The following HEATR5A variants were observed in gnomAD, a reference collection of about 807,000 sequenced individuals.
HEATR5A encodes HEAT repeat containing 5A.
HEATR5A carries 178 observed loss-of-function variants against 218.8 expected under a neutral mutation model. That is an observed-to-expected ratio of 0.81 (90% CI 0.72 to 0.92). HEATR5A has a LOEUF of 0.92. Among genes scored for constraint, HEATR5A ranks in the 40% least tolerant of loss-of-function variants. HEATR5A has a pLI of 0.00. For missense variants in HEATR5A, 2,420 were observed against 2,418.9 expected, an observed-to-expected ratio of 1.00 and a Z score of -0.01; for synonymous variants, 864 against 871.6, an observed-to-expected ratio of 0.99 and a Z score of 0.15.
chr14:31,321,738 T>C, intron 24 of HEATR5A, 58 bp from the exon 25 acceptor site: 1 of 1,308,700 alleles, frequency 7.6e-7, no homozygotes, highest in Non-Finnish European at 1.0e-6. Context: ...CAAAAAAATG[T>C]GCTGGAACTA....
In HEATR5A at chr14:31,313,209, A is replaced by G. The variant is rs142272070; in HGVS notation, c.4219-19T>C. The G allele has an allele frequency of 1.2e-3, 1,803 of 1,559,072 alleles. No homozygotes were observed. The highest frequency in any genetic ancestry group is 1.2e-3 in the Non-Finnish European group (1,325 of 1,136,616). On this transcript the variant is annotated intron_variant, in intron 27 of 35. Coordinates refer to ENST00000543095, the MANE Select transcript of HEATR5A (RefSeq NM_015473.4). ...TGTAGACCTGTTAAAGGTTAATTTAAAAACAGGAAAATCTTTTATCTGCTG... is the reference window on the plus strand; with the variant it reads ...TGTAGACCTGTTAAAGGTTAATTTAGAAACAGGAAAATCTTTTATCTGCTG...
chr14:31,351,145 G>A (rs1901212908), intron 16 of HEATR5A, among the ~76,000 whole-genome samples: 2 of 152,152 alleles, frequency 1.3e-5, no homozygotes, highest in African/African-American at 4.8e-5. Context: ...GTAAGCATGA[G>A]AATGCACATT....
chr14:31,325,939 A>G, intron 23 of HEATR5A: 1 of 571,126 alleles, frequency 1.8e-6, no homozygotes, highest in Non-Finnish European at 3.1e-6. Context: ...CATCTAAGAC[A>G]GCCAAAGGGA....
chr14:31,369,350 T>C (rs891094425), intron 13 of HEATR5A, among the ~76,000 whole-genome samples: 1 of 150,662 alleles, frequency 6.6e-6, no homozygotes, highest in African/African-American at 2.4e-5. Flanking sequence ...TGATGGCTCA[T>C]GCTTGTAATC....
chr14:31,304,950 C>T lies in HEATR5A; in HGVS notation c.5194G>A (p.Ala1732Thr). 1.2e-6 allele frequency: 2 copies of T among 1,614,000 alleles called. No individual in the cohort carries two copies. The highest frequency in any genetic ancestry group is 1.7e-6 in the Non-Finnish European group (2 of 1,179,884). ...LEDGSRLVSA[A>T]LVILSELPAV... ...GGAAGTTCGGAAAGGATAACCAATGCAGCTGAAACCAATCTACTTCCATCT... is the reference window on the plus strand; with the variant it reads ...GGAAGTTCGGAAAGGATAACCAATGTAGCTGAAACCAATCTACTTCCATCT... Residue 1732 changes from alanine (A) to threonine (T), a missense_variant, in exon 32 of 36, where the codon GCA (alanine) becomes ACA (threonine). Transcript: ENST00000543095.
At chr14:31,326,943 C>T (rs1900288190) in intron 22 of HEATR5A, among the ~76,000 whole-genome samples, 1 of 151,798 alleles carries the variant, frequency 6.6e-6, no homozygotes, top group South Asian at 2.1e-4. Context: ...CTGAACCCAG[C>T]TCAATACTTA....
rs755730680 is a variant in HEATR5A, at chr14:31,387,216, G to C, written c.1093C>G (p.Leu365Val). The C allele has an allele frequency of 1.2e-6, 2 of 1,613,774 alleles. No individual in the cohort carries two copies. The highest frequency in any genetic ancestry group is 1.7e-6 in the Non-Finnish European group (2 of 1,179,870). ...VCCRRCVSFILRTTIGGLLGE... is the reference protein window; with the variant it reads ...VCCRRCVSFIVRTTIGGLLGE... Reference sequence around the variant, plus strand: ...AGAAGACCACCTATAGTAGTTCGAAGAATAAATGAAACACAACGGCGACAG... The same window carrying C: ...AGAAGACCACCTATAGTAGTTCGAACAATAAATGAAACACAACGGCGACAG... The change falls in exon 8 of 36, where the codon CTT (leucine) becomes GTT (valine). Residue 365 changes from leucine to valine, a missense_variant. Transcript: ENST00000543095.
intron 26 of HEATR5A, among the ~76,000 whole-genome samples, chr14:31,316,500 A>C (rs1049235742): frequency 6.6e-6 from 1 of 152,224 alleles, no homozygotes; most frequent in Non-Finnish European, 1.5e-5. Flanking sequence ...CAAGGAAATC[A>C]GTGCTAATGA....
chr14:31,382,784 A>G (rs2030048038), intron 10 of HEATR5A, among the ~76,000 whole-genome samples: 1 of 149,810 alleles, frequency 6.7e-6, no homozygotes, highest in Non-Finnish European at 1.5e-5. Context: ...ATTATCTAGT[A>G]TGTTTTAATT....
intron 22 of HEATR5A, among the ~76,000 whole-genome samples, chr14:31,330,702 AAT>A (rs1193143622): frequency 2.6e-5 from 4 of 151,484 alleles, no homozygotes; most frequent in Non-Finnish European, 5.9e-5. Context: ...GAGGCAGGAG[AAT>A]AGCATGAACC....
intron 23 of HEATR5A, among the ~76,000 whole-genome samples, chr14:31,324,654 T>C (rs751098690): frequency 6.7e-6 from 1 of 150,338 alleles, no homozygotes; most frequent in Non-Finnish European, 1.5e-5. Flanking sequence ...ACCAGGAAAA[T>C]GTAATCAGTC....
chr14:31,353,492 T>G (rs1901304589), intron 16 of HEATR5A, among the ~76,000 whole-genome samples: 1 of 152,150 alleles, frequency 6.6e-6, no homozygotes, highest in Admixed American at 6.6e-5. Flanking sequence ...TTCTAGCACT[T>G]TGGGCGGCAG....
At chr14:31,317,714 T>C (rs565721872) in intron 26 of HEATR5A, among the ~76,000 whole-genome samples, 14 of 152,328 alleles carry the variant, frequency 9.2e-5, no homozygotes, top group African/African-American at 3.4e-4. Context: ...AATACAAATC[T>C]AAACTATCCT....
At chr14:31,415,084 T>C (rs2031400799) in intron 1 of HEATR5A, among the ~76,000 whole-genome samples, 1 of 152,210 alleles carries the variant, frequency 6.6e-6, no homozygotes, top group African/African-American at 2.4e-5. Flanking sequence ...GTGATCCGCC[T>C]GCCTTGGCCT....
rs565888245 is a variant in HEATR5A, at chr14:31,404,785, G to A, written c.-74-1736C>T. On this transcript the variant is annotated intron_variant, in intron 1 of 35. Transcript: ENST00000543095. ...AAAAATTAGCCAGGCATGGTGGCGC[G>A]TGCCTGTAGTCCCCGCTACTTGTGA... is the stretch of plus-strand genomic sequence containing the variant. Among the ~76,000 whole-genome samples the A allele has an allele frequency of 1.6e-4, 25 of 152,060 alleles. No homozygotes were observed. The South Asian group carries it at 4.6e-3, about 28-fold the overall frequency.
At chr14:31,321,052 G>C (rs2139164808) in intron 25 of HEATR5A, among the ~76,000 whole-genome samples, 1 of 152,184 alleles carries the variant, frequency 6.6e-6, no homozygotes, top group South Asian at 2.1e-4. Context: ...TTCATAGACA[G>C]ATCCTCCCCC....
At chr14:31,309,385 T>C (rs927584558) in intron 28 of HEATR5A, among the ~76,000 whole-genome samples, 1 of 152,214 alleles carries the variant, frequency 6.6e-6, no homozygotes, top group Non-Finnish European at 1.5e-5. Context: ...TTCATATAAA[T>C]AGAATCACAT....
chr14:31,374,915 C>A lies in HEATR5A; in HGVS notation c.1762G>T (p.Val588Phe). The A allele has an allele frequency of 6.2e-7, 1 of 1,612,724 alleles. No individual in the cohort carries two copies. Among genetic ancestry groups the A allele is most frequent in the Admixed American group, 1.7e-5 (1 of 59,812 alleles). The change falls in exon 12 of 36, where the codon GTC (valine) becomes TTC (phenylalanine). Residue 588 changes from valine (V) to phenylalanine (F), a missense_variant. Transcript: ENST00000543095. ...AGATCTTTAGGAGATGCTGGAAAGA[C>A]ACACTTCCACAACAGCAGAACTCGA... ...LARVLLLWKC[V>F]FPASPKDLET...
intron 21 of HEATR5A, chr14:31,340,623 C>T (rs1460786931): frequency 5.1e-6 from 2 of 395,636 alleles, no homozygotes; most frequent in African/African-American, 4.2e-5. Context: ...AAATTTGCCA[C>T]AAATATTTTA....
Sources: allele counts gnomAD v4.1 joint callset (sites outside exome capture counted in the v4.1 genomes callset), GRCh38; gene constraint gnomAD v4.1.1; transcripts MANE v1.5; gene names NCBI Gene and HGNC (gene_info 2026-07-23, HGNC 2026-07-21).